The following KRT6A variants were observed in gnomAD, a reference collection of about 807,000 sequenced individuals.
KRT6A encodes keratin 6A.
KRT6A carries 28 observed loss-of-function variants against 48.6 expected under a neutral mutation model. That is an observed-to-expected ratio of 0.58 (90% CI 0.43 to 0.79). The LOEUF is 0.79. Among genes scored for constraint, KRT6A ranks in the 30% least tolerant of loss-of-function variants. KRT6A has a pLI of 0.00. For synonymous variants in KRT6A, 301 were observed against 294.2 expected, an observed-to-expected ratio of 1.02 and a Z score of -0.24; for missense variants, 687 against 724.3, an observed-to-expected ratio of 0.95 and a Z score of 0.59.
intron 1 of KRT6A, 129 bp downstream of exon 1, chr12:52,492,520 A>G: frequency 5.8e-6 from 9 of 1,539,546 alleles, no homozygotes; most frequent in Non-Finnish European, 8.1e-6. Flanking sequence ...ACCAGCAGCC[A>G]TCTGCACTCT....
chr12:52,492,574 T>G, intron 1 of KRT6A, 75 bp downstream of exon 1: 1 of 1,612,712 alleles, frequency 6.2e-7, no homozygotes, highest in East Asian at 2.2e-5. Context: ...CTCCTAGGTC[T>G]CCCTGGCAGG....
chr12:52,491,841 A>G, intron 1 of KRT6A, 105 bp from the exon 2 acceptor site: 3 of 1,422,316 alleles, frequency 2.1e-6, no homozygotes, highest in South Asian at 1.2e-5. Flanking sequence ...GTGCTGGGCT[A>G]CTACAGTGCA....
At chr12:52,492,150 G>A (rs914967581) in intron 1 of KRT6A, among the ~76,000 whole-genome samples, 1 of 152,174 alleles carries the variant, frequency 6.6e-6, no homozygotes. Context: ...TCCCATTTGT[G>A]CAAGTCTCTC....
intron 5 of KRT6A, 185 bp from the exon 6 acceptor site, chr12:52,490,253 A>G: frequency 8.5e-7 from 1 of 1,179,154 alleles, no homozygotes; most frequent in Non-Finnish European, 1.2e-6. Flanking sequence ...CATCCTCATT[A>G]TGGCACCACT....
intron 6 of KRT6A, 70 bp from the exon 7 acceptor site, chr12:52,488,618 T>C (rs899450348): frequency 9.7e-5 from 141 of 1,458,470 alleles, no homozygotes; most frequent in Non-Finnish European, 1.1e-4. Flanking sequence ...TGGCTGGTTA[T>C]TTCCTAGTGA....
Position 52,490,011 on chromosome 12 carries a change from G to C in KRT6A, c.1135C>G (p.Gln379Glu). 1 of 1,614,060 alleles carries C rather than the reference G, an allele frequency of 6.2e-7. No individual in the cohort carries two copies. The highest frequency in any genetic ancestry group is 8.5e-7 in the Non-Finnish European group (1 of 1,180,030). Reference protein sequence around the residue: ...RHGDDLRNTKQEIAEINRMIQ... With the variant: ...RHGDDLRNTKEEIAEINRMIQ... ...ATGCGGTTGATCTCAGCAATCTCCT[G>C]CTTGGTGTTGCGCAGGTCGTCCCCA... Residue 379 changes from glutamine (Q) to glutamate (E), a missense_variant, in exon 6 of 9, where the codon CAG becomes GAG. Transcript: ENST00000330722.
chr12:52,488,977 T>C (rs1938202199), intron 6 of KRT6A, among the ~76,000 whole-genome samples: 1 of 152,224 alleles, frequency 6.6e-6, no homozygotes, highest in African/African-American at 2.4e-5. Flanking sequence ...AGACCTTGCC[T>C]TCCTCCCCCT....
intron 7 of KRT6A, 82 bp downstream of exon 7, chr12:52,488,246 C>A (rs1366096505): frequency 1.6e-5 from 26 of 1,613,178 alleles, no homozygotes; most frequent in Non-Finnish European, 2.2e-5. Flanking sequence ...TGGCCATGGG[C>A]AGTGCACCTT....
At chr12:52,490,370 G>T in intron 5 of KRT6A, 199 bp downstream of exon 5, 1 of 1,006,696 alleles carries the variant, frequency 9.9e-7, no homozygotes. Flanking sequence ...GTCTATGGTA[G>T]CTTTCCTCCT....
intron 5 of KRT6A, chr12:52,490,272 A>G: frequency 2.8e-6 from 3 of 1,075,214 alleles, no homozygotes; most frequent in Non-Finnish European, 4.1e-6. Context: ...CTGCCTGCCT[A>G]GTTTCTTTAG....
At position 52,490,771 on chromosome 12, in the gene KRT6A, G is replaced by A. The variant is rs567812179; in HGVS notation, c.913-38C>T. Reference sequence around the variant, plus strand: ...AGGTCATAAGATCAACTTCACTTCCGATATTTACAGAGATACCCAACCCTA... The same window carrying A: ...AGGTCATAAGATCAACTTCACTTCCAATATTTACAGAGATACCCAACCCTA... On this transcript the variant is annotated intron_variant, in intron 4 of 8. Coordinates refer to ENST00000330722, the MANE Select transcript of KRT6A (RefSeq NM_005554.4). 8.0e-5 allele frequency: 129 copies of A among 1,614,052 alleles called. 1 individual carries two copies. The South Asian group carries it at 1.1e-3, about 14-fold the overall frequency.
At chr12:52,489,575 G>A (rs541625904) in intron 6 of KRT6A, among the ~76,000 whole-genome samples, 1 of 152,250 alleles carries the variant, frequency 6.6e-6, no homozygotes, top group South Asian at 2.1e-4. Context: ...CACTGGACAA[G>A]GCTGTATGTT....
Position 52,488,096 on chromosome 12 carries a change from C to T in KRT6A, c.1432G>A (p.Gly478Ser). The T allele has an allele frequency of 1.2e-6, 2 of 1,613,998 alleles. No homozygotes were observed. Among genetic ancestry groups the T allele is most frequent in the Non-Finnish European group, 1.7e-6 (2 of 1,179,896 alleles). The change falls in exon 8 of 9, where the codon GGC (glycine) becomes AGC (serine). Residue 478 changes from glycine (G) to serine (S), a missense_variant. Transcript: ENST00000330722. ...LLEGEECRLN[G>S]EGVGQVNISV... is the part of the protein sequence containing the mutation. The stretch of plus-strand genomic sequence containing the variant: ...ATGTTGACTTGTCCAACGCCTTCGC[C>T]ATTCAGCCTGTGGAGAGGAACACAG...
intron 5 of KRT6A, 43 bp downstream of exon 5, chr12:52,490,526 G>A (rs1938240885): frequency 6.2e-7 from 1 of 1,614,050 alleles, no homozygotes; most frequent in African/African-American, 1.3e-5. Flanking sequence ...GGTATTCAGG[G>A]ATGGCACAGG....
chr12:52,492,663 A>C lies in KRT6A; in HGVS notation c.526T>G (p.Ser176Ala). The change falls in exon 1 of 9, where the codon TCC (serine) becomes GCC (alanine). Residue 176 changes from serine to alanine, a missense_variant. Ser to Ala is a moderately conservative substitution (Grantham distance 99). Around this residue, in one of 3 missense-constraint regions of KRT6A, gnomAD observed 566 missense variants for 565.3 expected, o/e 1.00. Transcript: ENST00000330722. ...QIKTLNNKFASFIDKVRFLEQ... is the reference protein window; with the variant it reads ...QIKTLNNKFAAFIDKVRFLEQ... ...CACTGGCTCACCTTGTCGATGAAGG[A>C]GGCAAACTTGTTGTTGAGGGTCTTG... 6.2e-7 allele frequency: 1 copy of C among 1,613,998 alleles called. No individual in the cohort carries two copies. The highest frequency in any genetic ancestry group is 1.3e-5 in the African/African-American group (1 of 75,028).
intron 6 of KRT6A, among the ~76,000 whole-genome samples, chr12:52,489,399 C>T (rs1052709104): frequency 2.6e-5 from 4 of 152,190 alleles, no homozygotes; most frequent in African/African-American, 7.2e-5. Flanking sequence ...CTGCTTCAGT[C>T]TCCTGAGTAG....
intron 6 of KRT6A, 50 bp from the exon 7 acceptor site, chr12:52,488,598 A>T: frequency 1.3e-6 from 2 of 1,593,700 alleles, no homozygotes; most frequent in Non-Finnish European, 1.7e-6. Flanking sequence ...CTTCCAGAGG[A>T]GACTAAACCT....
At chr12:52,490,475 T>A in intron 5 of KRT6A, 94 bp downstream of exon 5, 1 of 1,591,726 alleles carries the variant, frequency 6.3e-7, no homozygotes, top group Non-Finnish European at 8.6e-7. Context: ...GGACCCCAGC[T>A]TCCTGTCAGG....
At position 52,491,591 on chromosome 12, in the gene KRT6A, A is replaced by G. The variant is rs781318215; in HGVS notation, c.686T>C (p.Val229Ala). 5 of 1,614,088 alleles carry G rather than the reference A, an allele frequency of 3.1e-6. No individual in the cohort carries two copies. In the East Asian group the frequency reaches 1.1e-4, roughly 36 times the overall value. Reference sequence around the variant, plus strand: ...TGAGTCCAGGCGGCCCCGTTCCCCGACAATGCTGTCCAGCTGCCTCCTGAG... The same window carrying G: ...TGAGTCCAGGCGGCCCCGTTCCCCGGCAATGCTGTCCAGCTGCCTCCTGAG... ...NNLRRQLDSIVGERGRLDSEL... is the reference protein window; with the variant it reads ...NNLRRQLDSIAGERGRLDSEL... Residue 229 changes from valine (V) to alanine (A), a missense_variant, in exon 2 of 9, where the codon GTC (valine) becomes GCC (alanine). Around this residue, in one of 3 missense-constraint regions of KRT6A, gnomAD observed 566 missense variants for 565.3 expected, o/e 1.00. Coordinates refer to ENST00000330722, the MANE Select transcript of KRT6A (RefSeq NM_005554.4).
Sources: allele counts gnomAD v4.1 joint callset (sites outside exome capture counted in the v4.1 genomes callset), GRCh38; gene constraint gnomAD v4.1.1; regional missense constraint gnomAD v4.1.1; transcripts MANE v1.5; gene names NCBI Gene and HGNC (gene_info 2026-07-23, HGNC 2026-07-21).